The following SERTM2 variants were observed in gnomAD, a reference collection of about 807,000 sequenced individuals.
SERTM2 encodes serine rich and transmembrane domain containing 2.
rs919802064 is a variant in SERTM2 at position 111,511,817 on chromosome X, A to C, written c.-898A>C. On this transcript the variant is annotated 5_prime_UTR_variant, in exon 1 of 3. Coordinates refer to ENST00000569275, the MANE Select transcript of SERTM2 (RefSeq NM_001354473.2). ...AGAGCTTATAAGGAGCAGGCATCTG[A>C]AGCTGCACTCTGAAGCTGTAAGTGG... The C allele has an allele frequency of 3.7e-6, 1 of 267,742 alleles. No homozygotes were observed. The highest frequency in any genetic ancestry group is 2.8e-5 in the African/African-American group (1 of 35,877). 22.1% of individuals were successfully genotyped at this position (267,742 alleles called of 1,213,427 possible).
chrX:111,513,441 A>G (rs1313735125), intron 2 of SERTM2, among the ~76,000 whole-genome samples: 1 of 111,856 alleles, frequency 8.9e-6, no homozygotes, highest in Non-Finnish European at 1.9e-5. Context: ...ACAAAAAATC[A>G]TATCCTTCAG....
At chrX:111,516,120 A>T (rs1275661696) in intron 2 of SERTM2, among the ~76,000 whole-genome samples, 2 of 106,107 alleles carry the variant, frequency 1.9e-5, no homozygotes, top group African/African-American at 6.9e-5. Context: ...AGCCTCTGGT[A>T]TTTGCTGGCA....
chrX:111,514,603 A>C (rs1345923842), intron 2 of SERTM2, among the ~76,000 whole-genome samples: 1 of 111,247 alleles, frequency 9.0e-6, no homozygotes, highest in African/African-American at 3.3e-5. Context: ...AAGAGTGAGC[A>C]TTACAGTTTT....
Position 111,519,499 on chromosome X carries a change from T to C in SERTM2, c.*369T>C, listed in dbSNP as rs112462966. On this transcript the variant is annotated 3_prime_UTR_variant, in exon 3 of 3. Coordinates refer to ENST00000569275, the MANE Select transcript of SERTM2 (RefSeq NM_001354473.2). ...AAAACAAACAAAGAAGATTTGCTTT[T>C]GAAAGGGCTGATCCTTCAAAGAGGA... 6,460 of 118,485 alleles carry C rather than the reference T, an allele frequency of 0.055. 416 individuals carry two copies. Among genetic ancestry groups the C allele is most frequent in the African/African-American group, 0.18 (5,707 of 30,873 alleles). The allele number at this position is 118,485 out of a possible 1,213,427, so 9.8% of individuals were successfully genotyped here.
intron 2 of SERTM2, among the ~76,000 whole-genome samples, chrX:111,517,158 A>G (rs1443691002): frequency 9.0e-6 from 1 of 111,117 alleles, no homozygotes; most frequent in East Asian, 2.9e-4. Flanking sequence ...GTCTATAACT[A>G]TTGGGGGGAA....
In SERTM2 at chrX:111,521,608, G is replaced by C. The variant is rs902011954; in HGVS notation, c.*2478G>C. 18 of 111,289 alleles carry C rather than the reference G, an allele frequency of 1.6e-4. No homozygotes were observed. The highest frequency in any genetic ancestry group is 5.6e-4 in the African/African-American group (17 of 30,550). 9.2% of individuals were successfully genotyped at this position (111,289 alleles called of 1,213,427 possible). A position where few individuals can be genotyped will look rare whatever the true frequency, so the allele number is the denominator to read the frequency against. On this transcript the variant is annotated 3_prime_UTR_variant, in exon 3 of 3. Transcript: ENST00000569275. ...CTCAAAAAGGCAGCCAGAGTAACCAGACGGCACAATTTGAATTTATCCTTC... is the reference window on the plus strand; with the variant it reads ...CTCAAAAAGGCAGCCAGAGTAACCACACGGCACAATTTGAATTTATCCTTC...
At chrX:111,513,033 A>C (rs995576672) in intron 2 of SERTM2, among the ~76,000 whole-genome samples, 4 of 108,875 alleles carry the variant, frequency 3.7e-5, no homozygotes, top group African/African-American at 1.4e-4. Context: ...AACCAGATGT[A>C]CAAGTTAATA....
At chrX:111,512,819 A>T (rs1281735165) in intron 2 of SERTM2, among the ~76,000 whole-genome samples, 1 of 111,335 alleles carries the variant, frequency 9.0e-6, no homozygotes, top group Non-Finnish European at 1.9e-5. Flanking sequence ...AGTGTATGTT[A>T]TTTTGCTCCT....
chrX:111,518,807 C>T lies in SERTM2; in HGVS notation c.-51C>T. 3.4e-6 allele frequency: 1 copy of T among 297,078 alleles called. No individual in the cohort carries two copies. The highest frequency in any genetic ancestry group is 5.9e-6 in the Non-Finnish European group (1 of 169,960). The allele number at this position is 297,078 out of a possible 1,213,427, so 24.5% of individuals were successfully genotyped here. Reference sequence around the variant, plus strand: ...CAGTCTAAGTGACTGTGAAATGCCTCAAGGGCAGTAGAAATCAAATAGAAA... The same window carrying T: ...CAGTCTAAGTGACTGTGAAATGCCTTAAGGGCAGTAGAAATCAAATAGAAA... On this transcript the variant is annotated 5_prime_UTR_variant, in exon 3 of 3. The change creates a premature stop within an existing upstream ORF in the 5' untranslated region. Coordinates refer to ENST00000569275, the MANE Select transcript of SERTM2 (RefSeq NM_001354473.2).
At chrX:111,515,973 A>T (rs1323856265) in intron 2 of SERTM2, among the ~76,000 whole-genome samples, 1 of 110,523 alleles carries the variant, frequency 9.0e-6, no homozygotes, top group Non-Finnish European at 1.9e-5. Flanking sequence ...TGCCATAAAA[A>T]ATTGTATAAG....
Position 111,518,968 on chromosome X carries a change from G to A in SERTM2, c.111G>A (p.Met37Ile). Reference sequence around the variant, plus strand: ...CAGACAAGTATTCCAACCTGTACATGTATGTGGGCTTATTCCTGAGCCTCC... The same window carrying A: ...CAGACAAGTATTCCAACCTGTACATATATGTGGGCTTATTCCTGAGCCTCC... ...TSSDKYSNLY[M>I]YVGLFLSLLA... The change falls in exon 3 of 3, where the codon ATG becomes ATA. Residue 37 changes from methionine to isoleucine, a missense_variant. Coordinates refer to ENST00000569275, the MANE Select transcript of SERTM2 (RefSeq NM_001354473.2). 1 of 297,642 alleles carries A rather than the reference G, an allele frequency of 3.4e-6. No individual in the cohort carries two copies. The highest frequency in any genetic ancestry group is 6.1e-5 in the Admixed American group (1 of 16,472). 24.5% of individuals were successfully genotyped at this position (297,642 alleles called of 1,213,427 possible).
rs1385724282 is a variant in SERTM2 at position 111,521,893 on chromosome X, C to T, written c.*2763C>T. On this transcript the variant is annotated 3_prime_UTR_variant, in exon 3 of 3. Coordinates refer to ENST00000569275, the MANE Select transcript of SERTM2 (RefSeq NM_001354473.2). ...ACATTAATTCTGTAAATAGTAAATTCTCCTAATATGTTTAAAAAGAATCCA... is the reference window on the plus strand; with the variant it reads ...ACATTAATTCTGTAAATAGTAAATTTTCCTAATATGTTTAAAAAGAATCCA... 1.8e-5 allele frequency: 2 copies of T among 111,691 alleles called. No homozygotes were observed. The highest frequency in any genetic ancestry group is 3.3e-5 in the African/African-American group (1 of 30,740). 9.2% of individuals were successfully genotyped at this position (111,691 alleles called of 1,213,427 possible).
At chrX:111,513,827 A>G (rs1161026618) in intron 2 of SERTM2, among the ~76,000 whole-genome samples, 3 of 111,677 alleles carry the variant, frequency 2.7e-5, no homozygotes, top group Non-Finnish European at 5.7e-5. Flanking sequence ...AAAGAAATTG[A>G]CAAGGTTAGC....
At chrX:111,517,709 C>G in intron 2 of SERTM2, among the ~76,000 whole-genome samples, 1 of 109,566 alleles carries the variant, frequency 9.1e-6, no homozygotes, top group East Asian at 2.9e-4. Context: ...GGTCCCATCC[C>G]AGACCAATAA....
At chrX:111,517,978 A>T (rs1930346810) in intron 2 of SERTM2, 97 bp from the exon 3 acceptor site, 1 of 112,199 alleles carries the variant, frequency 8.9e-6, no homozygotes, top group South Asian at 3.7e-4. Flanking sequence ...ATAGCAAACC[A>T]TTTTGCAATT....
chrX:111,515,679 A>G (rs1930296832), intron 2 of SERTM2, among the ~76,000 whole-genome samples: 1 of 111,850 alleles, frequency 8.9e-6, no homozygotes, highest in East Asian at 2.8e-4. Flanking sequence ...ACTAAGTAAT[A>G]TTAAAGTAGA....
Position 111,519,573 on chromosome X carries a change from A to C in SERTM2, c.*443A>C, listed in dbSNP as rs938864817. Reference sequence around the variant, plus strand: ...TAATTTAGTGTTTTGATCCTAGAGAATCACCTCTATACAAAGTTAAATTAT... The same window carrying C: ...TAATTTAGTGTTTTGATCCTAGAGACTCACCTCTATACAAAGTTAAATTAT... On this transcript the variant is annotated 3_prime_UTR_variant, in exon 3 of 3. Transcript: ENST00000569275. The C allele has an allele frequency of 2.7e-5, 3 of 112,736 alleles. No individual in the cohort carries two copies. Among genetic ancestry groups the C allele is most frequent in the African/African-American group, 9.7e-5 (3 of 30,950 alleles). The allele number at this position is 112,736 out of a possible 1,213,427, so 9.3% of individuals were successfully genotyped here. A position where few individuals can be genotyped will look rare whatever the true frequency, so the allele number is the denominator to read the frequency against.
intron 1 of SERTM2, 28 bp downstream of exon 1, chrX:111,511,862 C>T: frequency 3.6e-6 from 1 of 281,262 alleles, no homozygotes; most frequent in Non-Finnish European, 6.3e-6. Context: ...TTTTAAGTAA[C>T]ATTTTAAGTA....
At chrX:111,512,313 C>T in intron 2 of SERTM2, among the ~76,000 whole-genome samples, 1 of 111,948 alleles carries the variant, frequency 8.9e-6, no homozygotes, top group African/African-American at 3.2e-5. Context: ...ACACTTCTCT[C>T]TCTCAGTTTT....
Sources: gnomAD v4.1 joint callset for allele counts (sites outside exome capture counted in the v4.1 genomes callset) on GRCh38, gnomAD v4.1.1 for gene constraint, MANE v1.5 for transcripts, NCBI Gene and HGNC (gene_info 2026-07-23, HGNC 2026-07-21) for gene names.